Variants in STK31 observed in about 807,000 individuals in gnomAD.
STK31 encodes serine/threonine kinase 31.
A neutral mutation model predicts 129.7 loss-of-function variants in STK31; 89 were observed. That is an observed-to-expected ratio of 0.69 (90% CI 0.58 to 0.82). The LOEUF is 0.82. STK31 is among the 40% of genes least tolerant of loss of function. The pLI is 0.00. For missense variants in STK31, 1,187 were observed against 1,176.4 expected, an observed-to-expected ratio of 1.01 and a Z score of -0.13; for synonymous variants, 448 against 395.3, an observed-to-expected ratio of 1.13 and a Z score of -1.58.
At chr7:23,827,221 CT>C (rs1794217005) in intron 23 of STK31, among the ~76,000 whole-genome samples, 1 of 152,220 alleles carries the variant, frequency 6.6e-6, no homozygotes, top group African/African-American at 2.4e-5. Flanking sequence ...CTCTTCGTCA[CT>C]TTGAGGTACA....
chr7:23,722,910 G>A (rs10233021), intron 4 of STK31: 69,008 of 152,042 alleles, frequency 0.45, 16,000 homozygotes, highest in Admixed American at 0.54. Context: ...ATCTCCTCGT[G>A]TGCTGTTGGC....
At chr7:23,825,602 G>C (rs1055769643) in intron 23 of STK31, among the ~76,000 whole-genome samples, 2 of 152,130 alleles carry the variant, frequency 1.3e-5, no homozygotes, top group Non-Finnish European at 2.9e-5. Context: ...ATGTACTTCA[G>C]TTCTGCTCTA....
At chr7:23,817,464 T>C (rs1793544426) in intron 23 of STK31, among the ~76,000 whole-genome samples, 1 of 152,196 alleles carries the variant, frequency 6.6e-6, no homozygotes, top group South Asian at 2.1e-4. Context: ...GTGATCTGAG[T>C]CAGTTATTAG....
At chr7:23,748,931 A>G (rs12669134) in intron 8 of STK31, among the ~76,000 whole-genome samples, 25,441 of 152,202 alleles carry the variant, frequency 0.17, 2,309 homozygotes, top group East Asian at 0.22. Context: ...AGTCAGCTGT[A>G]GTCTGTAGAT....
At chr7:23,828,908 CT>C (rs202133820) in intron 23 of STK31, among the ~76,000 whole-genome samples, 2 of 148,698 alleles carry the variant, frequency 1.3e-5, no homozygotes, top group South Asian at 2.1e-4. Flanking sequence ...TTTTGTTTTT[CT>C]TTTTTTTTGA....
At position 23,785,712 on chromosome 7, in the gene STK31, A is replaced by T. The variant is rs1432922390; in HGVS notation, c.2274+109A>T. ...TCACTGTTAGTTTTCTAAAGTGTATAAGTTGACTGGCATGATAATTGTGCT... is the reference window on the plus strand; with the variant it reads ...TCACTGTTAGTTTTCTAAAGTGTATTAGTTGACTGGCATGATAATTGTGCT... On this transcript the variant is annotated intron_variant, in intron 18 of 23. Coordinates refer to ENST00000355870, the MANE Select transcript of STK31 (RefSeq NM_031414.5). 20 of 1,378,906 alleles carry T rather than the reference A, an allele frequency of 1.5e-5. No homozygotes were observed. In the African/African-American group the frequency reaches 1.7e-4, roughly 12 times the overall value. The allele number at this position is 1,378,906 out of a possible 1,614,324, so 85.4% of individuals were successfully genotyped here.
intron 1 of STK31, chr7:23,710,782 T>A (rs893978661): frequency 1.3e-5 from 13 of 1,016,562 alleles, no homozygotes; most frequent in Non-Finnish European, 3.5e-6. Flanking sequence ...CAAGTCATTT[T>A]AAAATAAGAT....
intron 18 of STK31, 134 bp from the exon 19 acceptor site, chr7:23,786,374 G>T (rs1791284560): frequency 1.0e-6 from 1 of 975,156 alleles, no homozygotes; most frequent in South Asian, 3.4e-5. Context: ...AGATAGAAAA[G>T]TACTTATAAA....
At chr7:23,721,795 C>A (rs1467051635) in intron 4 of STK31, 1 of 624,342 alleles carries the variant, frequency 1.6e-6, no homozygotes, top group African/African-American at 1.8e-5. Context: ...GTTAACTGAT[C>A]CTCTACAGGC....
At chr7:23,769,546 G>T in intron 12 of STK31, 94 bp from the exon 13 acceptor site, 1 of 847,072 alleles carries the variant, frequency 1.2e-6, no homozygotes, top group Non-Finnish European at 1.9e-6. Flanking sequence ...ACATTGCCCA[G>T]GGTATAGCTT....
At chr7:23,717,425 T>G in intron 3 of STK31, 56 bp from the exon 4 acceptor site, 2 of 1,272,564 alleles carry the variant, frequency 1.6e-6, no homozygotes, top group Non-Finnish European at 2.2e-6. Flanking sequence ...CCCTCAAGCG[T>G]GTAACACTGT....
intron 23 of STK31, among the ~76,000 whole-genome samples, chr7:23,817,666 C>A (rs1171891318): frequency 6.6e-6 from 1 of 152,188 alleles, no homozygotes; most frequent in African/African-American, 2.4e-5. Context: ...AGAATCCCTC[C>A]AATAATATCC....
At chr7:23,774,850 C>T (rs10950960) in intron 15 of STK31, among the ~76,000 whole-genome samples, 21,420 of 152,022 alleles carry the variant, frequency 0.14, 1,678 homozygotes, top group South Asian at 0.21. Context: ...AAGTCCTTGC[C>T]CATGCCTATG....
intron 10 of STK31, among the ~76,000 whole-genome samples, chr7:23,760,722 C>G (rs578205257): frequency 1.3e-5 from 2 of 152,004 alleles, no homozygotes; most frequent in Non-Finnish European, 2.9e-5. Context: ...TGCAGTGGCA[C>G]GATCACAGCT....
intron 12 of STK31, 140 bp from the exon 13 acceptor site, chr7:23,769,500 G>T: frequency 1.7e-6 from 1 of 586,154 alleles, no homozygotes; most frequent in South Asian, 3.0e-5. Context: ...TTTTATGAGG[G>T]TAGGCACTTT....
intron 3 of STK31, among the ~76,000 whole-genome samples, chr7:23,715,877 T>C (rs1397279336): frequency 6.6e-6 from 1 of 152,188 alleles, no homozygotes; most frequent in Non-Finnish European, 1.5e-5. Flanking sequence ...TTTAACATTT[T>C]ATTTTGAAGA....
At chr7:23,782,631 A>G (rs1791009960) in intron 16 of STK31, among the ~76,000 whole-genome samples, 1 of 152,172 alleles carries the variant, frequency 6.6e-6, no homozygotes, top group Non-Finnish European at 1.5e-5. Context: ...TGATTTGACA[A>G]GTGTTTAGAA....
Position 23,828,639 on chromosome 7 carries a change from C to T in STK31, c.2830-3497C>T, listed in dbSNP as rs181774242. Among the ~76,000 whole-genome samples the T allele has an allele frequency of 3.9e-3, 591 of 152,352 alleles. 4 individuals are homozygous for T. Among genetic ancestry groups the T allele is most frequent in the Middle Eastern group, 0.02 (6 of 294 alleles). ...CCGGCACTCCCCAGTGAGATGAACC[C>T]GTTACCTCAGTTGGAAATGCAGAAA... On this transcript the variant is annotated intron_variant, in intron 23 of 23. Transcript: ENST00000355870.
At position 23,802,638 on chromosome 7, in the gene STK31, C is replaced by T. The variant is rs933725680; in HGVS notation, c.2760+11692C>T. ...AAATGATTCTTGTGCCTCAGCCTCC[C>T]GAGGAGCTGGGATTATAGGCACCCG... On this transcript the variant is annotated intron_variant, in intron 22 of 23. Transcript: ENST00000355870. Among the ~76,000 whole-genome samples the T allele has an allele frequency of 6.6e-5, 10 of 152,186 alleles. No individual in the cohort carries two copies. In the East Asian group the frequency reaches 1.4e-3, roughly 21 times the overall value.
Sources: allele counts gnomAD v4.1 joint callset (sites outside exome capture counted in the v4.1 genomes callset), GRCh38; gene constraint gnomAD v4.1.1; transcripts MANE v1.5; gene names NCBI Gene and HGNC (gene_info 2026-07-23, HGNC 2026-07-21).